Variants in RUFY3 observed in about 807,000 individuals in gnomAD.
RUFY3 encodes the protein RUN and FYVE domain containing 3, also known as protein RUFY3.
Under a neutral mutation model 84.0 loss-of-function variants are expected in RUFY3, and 34 were observed. That is an observed-to-expected ratio of 0.40 (90% confidence interval 0.31 to 0.54). The LOEUF (loss-of-function observed/expected upper bound fraction) is 0.54. Ranked by LOEUF, RUFY3 falls within the 20% of genes least tolerant of loss-of-function variation. The pLI is 0.39. For missense variants in RUFY3, 507 were observed against 736.8 expected, an observed-to-expected ratio of 0.69 and a Z score of 3.61; for synonymous variants, 242 against 252.9, an observed-to-expected ratio of 0.96 and a Z score of 0.41.
chr4:70,729,797 G>A (rs1718916254), intron 1 of RUFY3, among the ~76,000 whole-genome samples: 1 of 152,008 alleles, frequency 6.6e-6, no homozygotes, highest in Admixed American at 6.6e-5. Flanking sequence ...TTATTTATCA[G>A]ACTAAAGATG....
chr4:70,767,272 T>G (rs1320812758), intron 4 of RUFY3, among the ~76,000 whole-genome samples: 5 of 143,210 alleles, frequency 3.5e-5, no homozygotes, highest in African/African-American at 1.3e-4. Context: ...TTTTTTTTTT[T>G]TTTTTTTTTT....
intron 14 of RUFY3, among the ~76,000 whole-genome samples, chr4:70,797,244 G>A (rs893689959): frequency 1.6e-4 from 25 of 152,020 alleles, no homozygotes; most frequent in Admixed American, 1.2e-3. Flanking sequence ...TGCCCAGCCC[G>A]GGGTTCTTTT....
upstream of RUFY3, among the ~76,000 whole-genome samples, chr4:70,721,565 G>T (rs1742303943): frequency 6.6e-6 from 1 of 151,730 alleles, no homozygotes; most frequent in Admixed American, 6.6e-5. Context: ...TTCCCTCTGA[G>T]AACCTCAATT....
At chr4:70,791,316 C>T (rs1324436389) in intron 12 of RUFY3, 8 of 1,611,978 alleles carry the variant, frequency 5.0e-6, no homozygotes, top group Middle Eastern at 3.3e-4. Context: ...AAGTTGGTCA[C>T]GTCGCAAGTC....
rs997992050 is a variant in RUFY3, at chr4:70,783,558, T to C, written c.987+375T>C. Among the ~76,000 whole-genome samples the C allele has an allele frequency of 7.2e-5, 11 of 152,250 alleles. 1 individual carries two copies. Among genetic ancestry groups the C allele is most frequent in the African/African-American group, 2.2e-4 (9 of 41,472 alleles). ...TATTTATATATCACTGGGAAAGAGC[T>C]ACCATATAAATGTATTTTCTACATA... On this transcript the variant is annotated intron_variant, in intron 9 of 17. Transcript: ENST00000381006.
intron 10 of RUFY3, 84 bp downstream of exon 10, chr4:70,784,963 T>G (rs1729547339): frequency 5.6e-6 from 5 of 894,156 alleles, no homozygotes; most frequent in South Asian, 4.3e-5. Context: ...CAGACCAAGA[T>G]TAGGAATATC....
At position 70,808,061 on chromosome 4, in the gene RUFY3, G is replaced by A. The variant is rs1314087215; in HGVS notation, c.*1402G>A. On this transcript the variant is annotated 3_prime_UTR_variant, in exon 18 of 18. Coordinates refer to ENST00000381006, the MANE Select transcript of RUFY3 (RefSeq NM_001037442.4). ...ATATAACCTACATACATCCTCCTGT[G>A]TACTTTAAATCATCTGAAGATGATT... Among the ~76,000 whole-genome samples, 1 of 152,078 alleles carries A rather than the reference G, an allele frequency of 6.6e-6. No individual in the cohort carries two copies. The highest frequency in any genetic ancestry group is 1.5e-5 in the Non-Finnish European group (1 of 68,016).
intron 1 of RUFY3, chr4:70,734,372 A>C (rs1320684045): frequency 1.0e-6 from 1 of 985,028 alleles, no homozygotes; most frequent in Admixed American, 6.2e-5. Flanking sequence ...GAGATTACAG[A>C]AACATTTGTT....
Position 70,806,688 on chromosome 4 carries a change from G to A in RUFY3, c.*29G>A, listed in dbSNP as rs767126508. The A allele has an allele frequency of 1.1e-5, 18 of 1,613,190 alleles. No individual in the cohort carries two copies. The highest frequency in any genetic ancestry group is 8.8e-5 in the South Asian group (8 of 90,982). On this transcript the variant is annotated 3_prime_UTR_variant, in exon 18 of 18. Coordinates refer to ENST00000381006, the MANE Select transcript of RUFY3 (RefSeq NM_001037442.4). ...TGGAGGCCAAGACCTGGACCAAAAC[G>A]TTTATGCAGGCTCCTCTGTACCTGT...
At chr4:70,775,946 A>AAAAAAAAAAAAAAAC (rs756167508) in intron 7 of RUFY3, among the ~76,000 whole-genome samples, 2 of 137,958 alleles carry the variant, frequency 1.4e-5, no homozygotes, top group African/African-American at 2.9e-5. Flanking sequence ...GTCTTAAACA[A>AAAAAAAAAAAAAAAC]AAAAAAAAAA....
intron 1 of RUFY3, among the ~76,000 whole-genome samples, chr4:70,758,517 A>G (rs1286963039): frequency 6.6e-6 from 1 of 152,154 alleles, no homozygotes; most frequent in Non-Finnish European, 1.5e-5. Flanking sequence ...GAATTAAATA[A>G]TACTCATTTT....
Position 70,773,565 on chromosome 4 carries a change from A to G in RUFY3, c.751A>G (p.Thr251Ala). ...CAAGGACGGGAACAGCAGTAAAGGT[A>G]CTGAAGGGTACGTACAAAGAAAATT... The part of the protein sequence containing the change: ...YLKDGNSSKG[T>A]EGDGQITAIL... Residue 251 changes from threonine (T) to alanine (A), a missense_variant, in exon 6 of 18, where the codon ACT becomes GCT. Physicochemically the swap from Thr to Ala is moderately conservative, Grantham distance 58. This residue lies in a region of RUFY3 where 23 missense variants were observed against 17.0 expected (regional missense o/e 1.36). Transcript: ENST00000381006. The G allele has an allele frequency of 1.2e-6, 2 of 1,607,734 alleles. No individual in the cohort carries two copies. Among genetic ancestry groups the G allele is most frequent in the East Asian group, 4.5e-5 (2 of 44,722 alleles).
intron 9 of RUFY3, among the ~76,000 whole-genome samples, chr4:70,783,863 A>G (rs948377381): frequency 1.3e-5 from 2 of 152,050 alleles, no homozygotes; most frequent in African/African-American, 2.4e-5. Flanking sequence ...TCTTTTACGT[A>G]TTCAATAGCA....
At chr4:70,704,667 G>A (rs1048631488), upstream of RUFY3, 57 of 263,588 alleles carry the variant, frequency 2.2e-4, no homozygotes, top group African/African-American at 1.1e-3. Context: ...TCACAGGCTG[G>A]GGGCCGGGGC....
chr4:70,754,253 A>T (rs1215498220), intron 1 of RUFY3, among the ~76,000 whole-genome samples: 1 of 151,996 alleles, frequency 6.6e-6, no homozygotes, highest in Non-Finnish European at 1.5e-5. Flanking sequence ...GGGCTTCCCC[A>T]TGTTGGCCAG....
At chr4:70,742,708 T>A (rs1266985712) in intron 1 of RUFY3, among the ~76,000 whole-genome samples, 1 of 152,246 alleles carries the variant, frequency 6.6e-6, no homozygotes, top group African/African-American at 2.4e-5. Context: ...CTTAAACTTC[T>A]TGGTATCCTT....
intron 1 of RUFY3, among the ~76,000 whole-genome samples, chr4:70,749,058 A>G (rs1267351953): frequency 6.6e-6 from 1 of 152,136 alleles, no homozygotes; most frequent in Admixed American, 6.5e-5. Context: ...ATCCATTTAC[A>G]TTGTTTTTCT....
intron 3 of RUFY3, among the ~76,000 whole-genome samples, chr4:70,764,007 G>C (rs1334334594): frequency 6.6e-6 from 1 of 152,170 alleles, no homozygotes; most frequent in Admixed American, 6.5e-5. Flanking sequence ...TGAGAGTCAA[G>C]ATTAAAACAG....
intron 4 of RUFY3, among the ~76,000 whole-genome samples, chr4:70,766,765 T>G (rs1726010120): frequency 2.6e-5 from 4 of 152,214 alleles, no homozygotes; most frequent in African/African-American, 7.2e-5. Flanking sequence ...CATTAAGGTT[T>G]ACTCTTGGTA....
Sources: gnomAD v4.1 joint callset for allele counts (sites outside exome capture counted in the v4.1 genomes callset) on GRCh38, gnomAD v4.1.1 for gene constraint, gnomAD v4.1.1 regional missense constraint, MANE v1.5 for transcripts, NCBI Gene and HGNC (gene_info 2026-07-23, HGNC 2026-07-21) for gene names.